C4orf50: variants seen among roughly 807,000 people sequenced by gnomAD.
C4orf50 encodes the protein chromosome 4 open reading frame 50, also known as uncharacterized protein C4orf50.
In C4orf50, 80 loss-of-function variants were observed where a neutral mutation model predicts 77.2. That is an observed-to-expected ratio of 1.04 (90% CI 0.87 to 1.25). The LOEUF (loss-of-function observed/expected upper bound fraction) is 1.25, where lower values mean the gene tolerates loss of function less well. Among genes scored for constraint, C4orf50 ranks in the 50% most tolerant of loss-of-function variants. C4orf50 has a pLI of 0.00. For synonymous variants in C4orf50, 532 were observed against 465.3 expected (o/e 1.14, Z -1.84); for missense variants, 1,257 against 1,152.9 (o/e 1.09, Z -1.31).
chr4:5,935,234 G>A (rs900791029), intron 7 of C4orf50, among the ~76,000 whole-genome samples: 12 of 152,214 alleles, frequency 7.9e-5, no homozygotes, highest in Non-Finnish European at 1.6e-4. Flanking sequence ...GTAAACCAGG[G>A]GATGCAGTTC....
chr4:5,967,048 T>C (rs1719615704), intron 32 of C4orf50, among the ~76,000 whole-genome samples: 1 of 152,198 alleles, frequency 6.6e-6, no homozygotes, highest in Non-Finnish European at 1.5e-5. Context: ...ATTTCACTGA[T>C]TATATGGGTT....
At chr4:5,925,409 G>A (rs1017980212) in intron 7 of C4orf50, among the ~76,000 whole-genome samples, 9 of 152,186 alleles carry the variant, frequency 5.9e-5, no homozygotes, top group South Asian at 4.1e-4. Context: ...ACTGGTGACC[G>A]TACATTCCGC....
At chr4:5,973,149 G>A (rs1473521478) in intron 31 of C4orf50, among the ~76,000 whole-genome samples, 1 of 152,206 alleles carries the variant, frequency 6.6e-6, no homozygotes, top group South Asian at 2.1e-4. Context: ...CAACAGCCAG[G>A]AGAGCTCCCT....
chr4:5,923,567 C>G (rs1238579478), intron 7 of C4orf50, among the ~76,000 whole-genome samples: 1 of 151,946 alleles, frequency 6.6e-6, no homozygotes, highest in Admixed American at 6.5e-5. Flanking sequence ...ACCCACAGGG[C>G]TGGGCGAGGG....
Position 6,011,597 on chromosome 4 carries a change from A to G in C4orf50, c.426+233T>C, listed in dbSNP as rs1038498260. Among the ~76,000 whole-genome samples the G allele has an allele frequency of 6.6e-6, 1 of 152,076 alleles. No individual in the cohort carries two copies. The highest frequency in any genetic ancestry group is 2.4e-5 in the African/African-American group (1 of 41,390). On this transcript the variant is annotated intron_variant, in intron 24 of 33. Transcript: ENST00000531445. This position sits in a 1 kb window ranked among gnomAD's most constrained non-coding sequence, Gnocchi z 4.2. ...GTCCTCAGTCTGTGGCCTGGCGCTG[A>G]GGTCCTCAGGCACAAGAGCTTCCAG... is the stretch of plus-strand genomic sequence containing the variant.
exon 28 of C4orf50, chr4:5,989,967 G>A: frequency 7.1e-7 from 1 of 1,411,380 alleles, no homozygotes; most frequent in Non-Finnish European, 9.2e-7. Context: ...CAGTGGCTCT[G>A]ACTTTCCCTG....
chr4:5,965,496 CG>C (rs1410882975), intron 32 of C4orf50, among the ~76,000 whole-genome samples: 2 of 152,242 alleles, frequency 1.3e-5, no homozygotes, highest in Non-Finnish European at 2.9e-5. Context: ...TGGCATGTGG[CG>C]GCCCTCCAGA....
At chr4:5,953,631 T>G (rs980897113), downstream of C4orf50, among the ~76,000 whole-genome samples, 7 of 152,088 alleles carry the variant, frequency 4.6e-5, no homozygotes, top group African/African-American at 1.7e-4. Context: ...CCTGGGAGAG[T>G]GCCAGCCTCC....
chr4:5,955,797 T>G (rs1170106445), downstream of C4orf50, among the ~76,000 whole-genome samples: 1 of 152,028 alleles, frequency 6.6e-6, no homozygotes, highest in Non-Finnish European at 1.5e-5. This position sits in a 1 kb window ranked among gnomAD's most constrained non-coding sequence, Gnocchi z 5.1. Context: ...GCTTGCTAAC[T>G]CCCACCTCCC....
intron 28 of C4orf50, among the ~76,000 whole-genome samples, chr4:5,983,273 C>T (rs78231871): frequency 0.062 from 9,374 of 152,276 alleles, 391 homozygotes; most frequent in East Asian, 0.19. Context: ...TGTTGGCTTC[C>T]TACCACATCT....
chr4:5,982,376 G>A (rs968264534), intron 28 of C4orf50, among the ~76,000 whole-genome samples: 1 of 152,226 alleles, frequency 6.6e-6, no homozygotes, highest in African/African-American at 2.4e-5. Context: ...GTCTCCTGCT[G>A]TCTAGCAGAC....
downstream of C4orf50, among the ~76,000 whole-genome samples, chr4:5,954,601 T>C (rs1718869235): frequency 6.6e-6 from 1 of 152,022 alleles, no homozygotes; most frequent in Admixed American, 6.5e-5. The surrounding 1 kb of genome is among the most constrained non-coding windows in gnomAD (Gnocchi z 4.7). Context: ...AGGCAGCGCA[T>C]GGAGAGGGGA....
chr4:5,916,618 A>C lies in C4orf50; in HGVS notation c.*2475-18430T>G, dbSNP rs1490233028. ...CTCAAAAGCAGAGCCTGAGACCCAG[A>C]CAGGGGTGCAGGTGGTTTATTTGGG... On this transcript the variant is annotated intron_variant, in intron 7 of 7. Transcript: ENST00000324058. The surrounding 1 kb of genome is among the most constrained non-coding windows in gnomAD (Gnocchi z 4.4). 2.0e-5 allele frequency among the ~76,000 whole-genome samples: 3 copies of C among 152,190 alleles called. No individual in the cohort carries two copies. The highest frequency in any genetic ancestry group is 7.2e-5 in the African/African-American group (3 of 41,456).
At chr4:5,925,552 G>C (rs1258822674) in intron 7 of C4orf50, among the ~76,000 whole-genome samples, 1 of 152,240 alleles carries the variant, frequency 6.6e-6, no homozygotes, top group East Asian at 1.9e-4. Context: ...GAAACGCAGA[G>C]AGGAGGATGG....
At chr4:5,941,103 A>G (rs1718241680) in intron 7 of C4orf50, among the ~76,000 whole-genome samples, 1 of 152,244 alleles carries the variant, frequency 6.6e-6, no homozygotes. Flanking sequence ...AGGGTGGTTT[A>G]TTACTCAATC....
intron 7 of C4orf50, among the ~76,000 whole-genome samples, chr4:5,941,923 T>C (rs1257389760): frequency 6.6e-6 from 1 of 152,230 alleles, no homozygotes; most frequent in Non-Finnish European, 1.5e-5. Context: ...CCCCATTTCC[T>C]TTCTTTGTCT....
chr4:5,937,342 G>A (rs1253357944), intron 7 of C4orf50, among the ~76,000 whole-genome samples: 1 of 152,126 alleles, frequency 6.6e-6, no homozygotes, highest in Non-Finnish European at 1.5e-5. Flanking sequence ...GAGGAAGTTA[G>A]AGATGCCAAG....
rs1337026609 is a variant in C4orf50, at chr4:6,008,630, A to T, written c.427-98T>A. On this transcript the variant is annotated intron_variant, in intron 24 of 33. Coordinates refer to ENST00000531445, the Ensembl canonical transcript of C4orf50. The surrounding 1 kb of genome is among the most constrained non-coding windows in gnomAD (Gnocchi z 6.0). Reference sequence around the variant, plus strand: ...GACTTAACATTTCTGTATTTTGTGCATGGTGCGTTTTTGCATTTTGTGCAT... The same window carrying T: ...GACTTAACATTTCTGTATTTTGTGCTTGGTGCGTTTTTGCATTTTGTGCAT... 1 of 393,164 alleles carries T rather than the reference A, an allele frequency of 2.5e-6. No homozygotes were observed. The highest frequency in any genetic ancestry group is 2.1e-5 in the African/African-American group (1 of 48,314). The allele number at this position is 393,164 out of a possible 1,614,324, so 24.4% of individuals were successfully genotyped here.
At chr4:5,981,684 A>G (rs1314306979) in intron 28 of C4orf50, among the ~76,000 whole-genome samples, 1 of 152,110 alleles carries the variant, frequency 6.6e-6, no homozygotes, top group African/African-American at 2.4e-5. Context: ...GGTTACAGGC[A>G]TGAGCCACCA....
Sources: gnomAD v4.1 joint callset for allele counts (sites outside exome capture counted in the v4.1 genomes callset) on GRCh38, gnomAD v4.1.1 for gene constraint, Gnocchi (gnomAD v3.1) non-coding constraint, MANE v1.5 for transcripts, NCBI Gene and HGNC (gene_info 2026-07-23, HGNC 2026-07-21) for gene names.